TTLL7: variants seen among roughly 807,000 people sequenced by gnomAD.
TTLL7 encodes the protein tubulin polyglutamylase TTLL7.
A neutral mutation model predicts 120.2 loss-of-function variants in TTLL7; 53 were observed. That is an observed-to-expected ratio of 0.44 (90% confidence interval 0.35 to 0.55). TTLL7 has a LOEUF of 0.55. Ranked by LOEUF, TTLL7 falls within the 20% of genes least tolerant of loss-of-function variation. The pLI, the probability that TTLL7 is intolerant of heterozygous loss-of-function variation, is 0.00. For synonymous variants in TTLL7, 353 were observed against 351.7 expected (o/e 1.00, Z -0.04); for missense variants, 803 against 1,054.7 (o/e 0.76, Z 3.31).
At chr1:83,906,524 C>A in intron 16 of TTLL7, 61 bp from the exon 17 acceptor site, 1 of 1,604,806 alleles carries the variant, frequency 6.2e-7, no homozygotes, top group Non-Finnish European at 8.5e-7. Flanking sequence ...CCAGTATAAT[C>A]TGAAAGATAT....
rs1557494342 is a variant in TTLL7, at chr1:83,869,009, CTT to C, written c.*951_*952del. ...TTTTTTTTTGAGACAGAGTTTCACT[CTT>C]GTCACCCAGGCTAGAATGCAATGGC... On this transcript the variant is annotated 3_prime_UTR_variant, in exon 21 of 21. Transcript: ENST00000260505. 6.8e-6 allele frequency: 1 copy of C among 147,880 alleles called. No homozygotes were observed. Among genetic ancestry groups the C allele is most frequent in the Non-Finnish European group, 1.5e-5 (1 of 67,132 alleles). 9.2% of individuals were successfully genotyped at this position (147,880 alleles called of 1,614,324 possible).
At chr1:83,979,118 T>C (rs1651746366) in intron 1 of TTLL7, 1 of 152,120 alleles carries the variant, frequency 6.6e-6, no homozygotes, top group African/African-American at 2.4e-5. Context: ...GACCATGGTA[T>C]TGCATTAAGT....
At chr1:83,960,297 C>T (rs1649898629) in intron 1 of TTLL7, among the ~76,000 whole-genome samples, 2 of 152,054 alleles carry the variant, frequency 1.3e-5, no homozygotes, top group African/African-American at 4.8e-5. Flanking sequence ...ATAGATTACA[C>T]TGGCAGTTAT....
chr1:83,897,550 C>T (rs555688634), intron 18 of TTLL7, among the ~76,000 whole-genome samples: 1 of 152,176 alleles, frequency 6.6e-6, no homozygotes, highest in East Asian at 1.9e-4. Context: ...GATGGCTTCC[C>T]CACTGGGGAT....
At chr1:83,927,230 T>C (rs1659209947) in intron 10 of TTLL7, among the ~76,000 whole-genome samples, 1 of 152,124 alleles carries the variant, frequency 6.6e-6, no homozygotes, top group South Asian at 2.1e-4. Context: ...CTGTGAAGCA[T>C]GTAAAAGTAT....
rs115964998 is a variant in TTLL7, at chr1:83,992,297, T to C, written c.-177+6634A>G. Among the ~76,000 whole-genome samples, 460 of 152,234 alleles carry C rather than the reference T, an allele frequency of 3.0e-3. 2 individuals are homozygous for C. Among genetic ancestry groups the C allele is most frequent in the African/African-American group, 0.01 (426 of 41,550 alleles). ...GTGGCAAGTTCCAGAAACAACTTGT[T>C]TATATTTTCCAAAAAAATAATGGGT... On this transcript the variant is annotated intron_variant, in intron 1 of 20. Coordinates refer to ENST00000260505, the MANE Select transcript of TTLL7 (RefSeq NM_024686.6).
At chr1:83,906,553 C>A in intron 16 of TTLL7, 90 bp from the exon 17 acceptor site, 1 of 1,565,680 alleles carries the variant, frequency 6.4e-7, no homozygotes, top group South Asian at 1.1e-5. Flanking sequence ...AAAAATGATG[C>A]ACTTTTAACT....
At chr1:83,943,911 C>T (rs1019007482) in intron 6 of TTLL7, among the ~76,000 whole-genome samples, 2 of 152,028 alleles carry the variant, frequency 1.3e-5, no homozygotes, top group Non-Finnish European at 2.9e-5. Flanking sequence ...ACTATGAGAA[C>T]AGTGTCTCAC....
At chr1:83,893,703 A>G (rs1310921735) in intron 18 of TTLL7, among the ~76,000 whole-genome samples, 1 of 152,150 alleles carries the variant, frequency 6.6e-6, no homozygotes, top group Non-Finnish European at 1.5e-5. Context: ...AAAGCTTTCA[A>G]GGTGATATTT....
At chr1:83,930,176 T>C (rs1217442776) in intron 9 of TTLL7, among the ~76,000 whole-genome samples, 2 of 152,190 alleles carry the variant, frequency 1.3e-5, no homozygotes, top group Non-Finnish European at 2.9e-5. Flanking sequence ...GTTAACCGTT[T>C]GGTAGATAGT....
At chr1:83,922,722 T>C (rs560969713) in intron 10 of TTLL7, among the ~76,000 whole-genome samples, 1 of 140,146 alleles carries the variant, frequency 7.1e-6, no homozygotes, top group Non-Finnish European at 1.6e-5. Context: ...AATTTAACTT[T>C]ACACAATGAA....
At position 83,890,473 on chromosome 1, in the gene TTLL7, G is replaced by A. The variant is rs761623458; in HGVS notation, c.2217C>T (p.Asp739=). The A allele has an allele frequency of 3.7e-6, 6 of 1,608,040 alleles. No individual in the cohort carries two copies. Among genetic ancestry groups the A allele is most frequent in the Non-Finnish European group, 4.2e-6 (5 of 1,177,970 alleles). The change falls in exon 19 of 21, where the codon GAC becomes GAT. Residue 739 remains aspartate, a synonymous_variant. Coordinates refer to ENST00000260505, the MANE Select transcript of TTLL7 (RefSeq NM_024686.6). ...LDSVKQRKVL[D]IVKTSIRTVL... is the part of the protein sequence containing the mutation. The stretch of plus-strand genomic sequence containing the variant: ...CTGTACGAATACTTGTTTTCACTAT[G>A]TCCAAAACCTAGTGGAAAAACCAAA...
chr1:83,879,542 T>C lies in TTLL7; in HGVS notation c.2543+3421A>G, dbSNP rs182513421. Among the ~76,000 whole-genome samples the C allele has an allele frequency of 7.6e-4, 116 of 152,102 alleles. 1 individual carries two copies. The highest frequency in any genetic ancestry group is 1.8e-3 in the Admixed American group (28 of 15,240). ...TGGAAGGTTTGTGTTGATTCTGATC[T>C]GCCTTTGACTGGATGGATAAGTTGA... is the stretch of plus-strand genomic sequence containing the variant. On this transcript the variant is annotated intron_variant, in intron 20 of 20. Transcript: ENST00000260505.
intron 19 of TTLL7, among the ~76,000 whole-genome samples, chr1:83,885,513 A>T (rs960179953): frequency 2.6e-5 from 4 of 152,024 alleles, no homozygotes; most frequent in Non-Finnish European, 5.9e-5. Context: ...TCTCCCTTAA[A>T]TATTTAAAAT....
intron 18 of TTLL7, among the ~76,000 whole-genome samples, chr1:83,903,070 C>A (rs1276700665): frequency 6.6e-6 from 1 of 151,912 alleles, no homozygotes; most frequent in African/African-American, 2.4e-5. Context: ...TTCTAACAGG[C>A]TATGTAACTT....
intron 1 of TTLL7, among the ~76,000 whole-genome samples, chr1:83,954,155 A>G (rs530978662): frequency 6.6e-6 from 1 of 152,290 alleles, no homozygotes; most frequent in South Asian, 2.1e-4. Flanking sequence ...CATTGAAAGT[A>G]GGTGACAAAG....
chr1:83,983,790 T>G (rs563985716), intron 1 of TTLL7: 13 of 152,098 alleles, frequency 8.5e-5, no homozygotes, highest in African/African-American at 3.1e-4. Flanking sequence ...ACAAATAATT[T>G]TGTTAAAAAA....
chr1:83,940,963 C>G lies in TTLL7; in HGVS notation c.723+1500G>C, dbSNP rs1309985528. ...GCCTTAAGAGATCTGGTTTCTAGGACTCACCATCCTCATCTGTGAACAGCC... is the reference window on the plus strand; with the variant it reads ...GCCTTAAGAGATCTGGTTTCTAGGAGTCACCATCCTCATCTGTGAACAGCC... On this transcript the variant is annotated intron_variant, in intron 7 of 20. Coordinates refer to ENST00000260505, the MANE Select transcript of TTLL7 (RefSeq NM_024686.6). Among the ~76,000 whole-genome samples, 5 of 152,094 alleles carry G rather than the reference C, an allele frequency of 3.3e-5. No individual in the cohort carries two copies. In the South Asian group the frequency reaches 1.0e-3, roughly 32 times the overall value.
intron 14 of TTLL7, among the ~76,000 whole-genome samples, 168 bp from the exon 15 acceptor site, chr1:83,911,531 T>A (rs959921408): frequency 6.6e-6 from 1 of 152,174 alleles, no homozygotes; most frequent in East Asian, 1.9e-4. Flanking sequence ...GTGCTATGCA[T>A]TGATTGTTGT....
Sources: gnomAD v4.1 joint callset for allele counts (sites outside exome capture counted in the v4.1 genomes callset) on GRCh38, gnomAD v4.1.1 for gene constraint, MANE v1.5 for transcripts, NCBI Gene and HGNC (gene_info 2026-07-23, HGNC 2026-07-21) for gene names.